DERA: variants seen among roughly 807,000 people sequenced by gnomAD.
DERA encodes deoxyribose-phosphate aldolase.
DERA carries 15 observed loss-of-function variants against 41.1 expected under a neutral mutation model. That is an observed-to-expected ratio of 0.37 (90% confidence interval 0.24 to 0.56). The LOEUF is 0.56. Ranked by LOEUF, DERA falls within the 20% of genes least tolerant of loss-of-function variation. DERA has a pLI of 0.81. For missense variants in DERA, 396 were observed against 403.4 expected (o/e 0.98, Z 0.16); for synonymous variants, 139 against 137.4 (o/e 1.01, Z -0.08).
At chr12:16,027,728 C>A (rs1949062407) in intron 6 of DERA, among the ~76,000 whole-genome samples, 2 of 152,108 alleles carry the variant, frequency 1.3e-5, no homozygotes, top group South Asian at 4.2e-4. Flanking sequence ...TTGTTTTGAG[C>A]CACCAAGTTT....
chr12:15,987,013 C>A (rs1234750343), intron 6 of DERA, among the ~76,000 whole-genome samples: 38 of 152,048 alleles, frequency 2.5e-4, no homozygotes, highest in Non-Finnish European at 5.9e-5. Flanking sequence ...TCTTGGAATC[C>A]CATTTCTTCT....
intron 6 of DERA, among the ~76,000 whole-genome samples, chr12:16,006,918 C>T (rs1171067310): frequency 2.6e-5 from 4 of 152,242 alleles, no homozygotes; most frequent in African/African-American, 4.8e-5. Flanking sequence ...TGTACTTCCA[C>T]AGCCTTCTCA....
intron 5 of DERA, among the ~76,000 whole-genome samples, chr12:15,963,661 T>G (rs1030426308): frequency 6.6e-6 from 1 of 152,140 alleles, no homozygotes; most frequent in African/African-American, 2.4e-5. Flanking sequence ...AATAAATAGT[T>G]TAACCAAAAA....
rs1949120573 is a variant in DERA, at chr12:16,035,402, C to G, written c.751-830C>G. Among the ~76,000 whole-genome samples, 1 of 152,168 alleles carries G rather than the reference C, an allele frequency of 6.6e-6. No individual in the cohort carries two copies. The highest frequency in any genetic ancestry group is 2.1e-4 in the South Asian group (1 of 4,828). ...CTCTGAGGTGTTGTTTTGACCACTA[C>G]CATCTACAGATTCCCAACTCTACTG... On this transcript the variant is annotated intron_variant, in intron 7 of 8. Coordinates refer to ENST00000428559, the MANE Select transcript of DERA (RefSeq NM_015954.4). This position sits in a 1 kb window ranked among gnomAD's most constrained non-coding sequence, Gnocchi z 4.1.
chr12:15,985,638 G>A lies in DERA; in HGVS notation c.637+3202G>A, dbSNP rs1948759427. Among the ~76,000 whole-genome samples, 1 of 151,452 alleles carries A rather than the reference G, an allele frequency of 6.6e-6. No homozygotes were observed. The highest frequency in any genetic ancestry group is 1.5e-5 in the Non-Finnish European group (1 of 67,902). ...TGTGATCTCTTTTGTTATTTAGAGTGCTATTTACAATGAGATATTTACTTT... is the reference window on the plus strand; with the variant it reads ...TGTGATCTCTTTTGTTATTTAGAGTACTATTTACAATGAGATATTTACTTT... On this transcript the variant is annotated intron_variant, in intron 6 of 8. Transcript: ENST00000428559. This position sits in a 1 kb window ranked among gnomAD's most constrained non-coding sequence, Gnocchi z 4.2.
At position 15,976,370 on chromosome 12, in the gene DERA, G is replaced by C. The variant is rs143593356; in HGVS notation, c.509-5938G>C. 1.3e-5 allele frequency among the ~76,000 whole-genome samples: 2 copies of C among 152,246 alleles called. No individual in the cohort carries two copies. The highest frequency in any genetic ancestry group is 3.9e-4 in the East Asian group (2 of 5,184). ...ATTTTCAGTCCTCGCTGGTAAGGGT[G>C]ACCTTCACTTTCCCCAGAGCTGACT... On this transcript the variant is annotated intron_variant, in intron 5 of 8. Coordinates refer to ENST00000428559, the MANE Select transcript of DERA (RefSeq NM_015954.4). The surrounding 1 kb of genome is among the most constrained non-coding windows in gnomAD (Gnocchi z 4.1).
At position 15,999,209 on chromosome 12, in the gene DERA, C is replaced by A. The variant is rs1948859110; in HGVS notation, c.637+16773C>A. Among the ~76,000 whole-genome samples, 1 of 152,112 alleles carries A rather than the reference C, an allele frequency of 6.6e-6. No individual in the cohort carries two copies. Among genetic ancestry groups the A allele is most frequent in the African/African-American group, 2.4e-5 (1 of 41,410 alleles). The stretch of plus-strand genomic sequence containing the variant: ...CATCAGTACCTGGGGATATTTCTTT[C>A]CCTCGAATGGGTTCATCCAAATATT... On this transcript the variant is annotated intron_variant, in intron 6 of 8. Transcript: ENST00000428559. This position sits in a 1 kb window ranked among gnomAD's most constrained non-coding sequence, Gnocchi z 5.3.
intron 1 of DERA, among the ~76,000 whole-genome samples, chr12:15,926,742 GAAAA>G (rs71051274): frequency 8.3e-6 from 1 of 120,484 alleles, no homozygotes; most frequent in Non-Finnish European, 1.6e-5. Context: ...GTCTCAAAAA[GAAAA>G]AAAAAAAAAA....
At chr12:15,963,703 T>C (rs912387602) in intron 5 of DERA, among the ~76,000 whole-genome samples, 2 of 152,190 alleles carry the variant, frequency 1.3e-5, no homozygotes, top group Non-Finnish European at 1.5e-5. Context: ...AAAGCCAGGA[T>C]AGTATATTGT....
chr12:15,918,157 A>AC lies in DERA; in HGVS notation c.31+6747dup, dbSNP rs1212268959. Among the ~76,000 whole-genome samples, 3 of 152,050 alleles carry AC rather than the reference A, an allele frequency of 2.0e-5. No homozygotes were observed. The East Asian group carries it at 5.8e-4, about 29-fold the overall frequency. On this transcript the variant is annotated intron_variant, in intron 1 of 8. Coordinates refer to ENST00000428559, the MANE Select transcript of DERA (RefSeq NM_015954.4). This position sits in a 1 kb window ranked among gnomAD's most constrained non-coding sequence, Gnocchi z 4.3. ...TTCTTCTCACTGTTCTCAGGCTCTG[A>AC]CCCCTGAGCTGGGCCTCCCTCCTGT...
intron 6 of DERA, among the ~76,000 whole-genome samples, chr12:16,023,604 A>G (rs1193164387): frequency 6.7e-6 from 1 of 149,408 alleles, no homozygotes; most frequent in Non-Finnish European, 1.5e-5. Context: ...CAGCCTCCCA[A>G]GTAGCTGGGA....
intron 5 of DERA, among the ~76,000 whole-genome samples, chr12:15,968,714 G>T (rs1374693032): frequency 3.9e-5 from 6 of 152,204 alleles, no homozygotes; most frequent in Admixed American, 1.3e-4. Context: ...GGTTACAATA[G>T]GGAAGAAATT....
In DERA at chr12:15,974,414, G is replaced by T. The variant is rs1163901085; in HGVS notation, c.509-7894G>T. Among the ~76,000 whole-genome samples the T allele has an allele frequency of 3.3e-5, 5 of 152,100 alleles. No homozygotes were observed. In the East Asian group the frequency reaches 9.6e-4, roughly 29 times the overall value. Reference sequence around the variant, plus strand: ...CCTTGTCTTTGACGATTACGGGCCTGTTGTTTTGTAAAATATACCTCAGTT... The same window carrying T: ...CCTTGTCTTTGACGATTACGGGCCTTTTGTTTTGTAAAATATACCTCAGTT... On this transcript the variant is annotated intron_variant, in intron 5 of 8. Coordinates refer to ENST00000428559, the MANE Select transcript of DERA (RefSeq NM_015954.4).
intron 5 of DERA, among the ~76,000 whole-genome samples, chr12:15,979,166 G>C (rs561502186): frequency 1.6e-4 from 24 of 152,246 alleles, no homozygotes; most frequent in Admixed American, 3.9e-4. Context: ...TATTATATTA[G>C]GAAGACATAA....
chr12:15,919,711 A>G (rs1196841902), intron 1 of DERA, among the ~76,000 whole-genome samples: 16 of 152,096 alleles, frequency 1.1e-4, no homozygotes. Context: ...ATGTTGAGAC[A>G]CTCTGGCTGC....
rs761918521 is a variant in DERA, at chr12:15,982,439, A to G, written c.637+3A>G. The G allele has an allele frequency of 1.2e-6, 2 of 1,600,530 alleles. No individual in the cohort carries two copies. Among genetic ancestry groups the G allele is most frequent in the East Asian group, 2.2e-5 (1 of 44,792 alleles). ...CAGTATGATAGCAATGATGGCAGGT[A>G]AGTGTTTTATGTTCAAATAATGTTT... On this transcript the variant is annotated splice_donor_region_variant and intron_variant, in intron 6 of 8. Coordinates refer to ENST00000428559, the MANE Select transcript of DERA (RefSeq NM_015954.4). The surrounding 1 kb of genome is among the most constrained non-coding windows in gnomAD (Gnocchi z 4.0).
rs1948829686 is a variant in DERA, at chr12:15,995,304, A to G, written c.637+12868A>G. On this transcript the variant is annotated intron_variant, in intron 6 of 8. Transcript: ENST00000428559. This position sits in a 1 kb window ranked among gnomAD's most constrained non-coding sequence, Gnocchi z 5.1. ...AGTTGGTGAACATGAAATCAATATA[A>G]AAGAGAAAAATGACAGCAAGCCCGG... Among the ~76,000 whole-genome samples, 1 of 152,170 alleles carries G rather than the reference A, an allele frequency of 6.6e-6. No homozygotes were observed. Among genetic ancestry groups the G allele is most frequent in the African/African-American group, 2.4e-5 (1 of 41,432 alleles).
In DERA at chr12:15,957,055, TCTGTGC is replaced by T. The variant is rs779720533; in HGVS notation, c.129+27_129+32del. The T allele has an allele frequency of 3.2e-6, 5 of 1,583,922 alleles. No homozygotes were observed. Among genetic ancestry groups the T allele is most frequent in the Non-Finnish European group, 4.3e-6 (5 of 1,153,026 alleles). ...GCAGGTAAGGGTTCTTCTTGAGCAT[TCTGTGC>T]CTGTATTTTACAATGCATGGTCTCT... On this transcript the variant is annotated intron_variant, in intron 2 of 8. Transcript: ENST00000428559. The surrounding 1 kb of genome is among the most constrained non-coding windows in gnomAD (Gnocchi z 4.8).
chr12:15,956,183 T>C (rs769810982), intron 1 of DERA, among the ~76,000 whole-genome samples: 1 of 152,224 alleles, frequency 6.6e-6, no homozygotes, highest in Non-Finnish European at 1.5e-5. Context: ...ATCCAAATGT[T>C]AGCTCTGTCT....
Sources: gnomAD v4.1 joint callset for allele counts (sites outside exome capture counted in the v4.1 genomes callset) on GRCh38, gnomAD v4.1.1 for gene constraint, Gnocchi (gnomAD v3.1) non-coding constraint, MANE v1.5 for transcripts, NCBI Gene and HGNC (gene_info 2026-07-23, HGNC 2026-07-21) for gene names.